The following ERG variants were observed in gnomAD, a reference collection of about 807,000 sequenced individuals.
ERG encodes ETS transcription factor ERG.
A neutral mutation model predicts 55.3 loss-of-function variants in ERG; 9 were observed. The observed-to-expected ratio is 0.16, with a 90% confidence interval of 0.10 to 0.28. ERG has a LOEUF of 0.28. Ranked by LOEUF, ERG falls within the 10% of genes least tolerant of loss-of-function variation. The pLI, the probability that ERG is intolerant of heterozygous loss-of-function variation, is 1.00. For synonymous variants in ERG, 223 were observed against 237.3 expected (o/e 0.94, Z 0.55); for missense variants, 434 against 631.6 (o/e 0.69, Z 3.35).
intron 2 of ERG, among the ~76,000 whole-genome samples, chr21:38,505,402 A>G (rs909658984): frequency 6.6e-6 from 1 of 152,216 alleles, no homozygotes; most frequent in Non-Finnish European, 1.5e-5. Context: ...CAAGCAACGC[A>G]GAGGACACAG....
At chr21:38,523,312 A>G (rs2059607734) in intron 2 of ERG, among the ~76,000 whole-genome samples, 1 of 152,242 alleles carries the variant, frequency 6.6e-6, no homozygotes, top group Non-Finnish European at 1.5e-5. Flanking sequence ...TCTATCACAA[A>G]TAAGCCATCT....
At chr21:38,400,802 G>C (rs1224971187) in intron 5 of ERG, among the ~76,000 whole-genome samples, 157 bp from the exon 6 acceptor site, 8 of 152,152 alleles carry the variant, frequency 5.3e-5, no homozygotes, top group African/African-American at 1.9e-4. Flanking sequence ...AGGTGCACCT[G>C]TCAGATTCTC....
rs1194942148 is a variant in ERG, at chr21:38,498,353, C to T, written c.18+10G>A. On this transcript the variant is annotated intron_variant, in intron 1 of 9. Transcript: ENST00000288319. This position sits in a 1 kb window ranked among gnomAD's most constrained non-coding sequence, Gnocchi z 4.6. The stretch of plus-strand genomic sequence containing the variant: ...AGATTTTGTCAAATTAAAAGGAACC[C>T]TTTCCTTACCTTAATAGTGCTGGCC... The T allele has an allele frequency of 1.9e-6, 3 of 1,599,854 alleles. No homozygotes were observed. Among genetic ancestry groups the T allele is most frequent in the South Asian group, 1.1e-5 (1 of 89,732 alleles).
intron 1 of ERG, among the ~76,000 whole-genome samples, chr21:38,468,996 A>G (rs2059115778): frequency 1.4e-5 from 1 of 69,184 alleles, no homozygotes; most frequent in East Asian, 2.3e-4. Context: ...AAAAAAAAAA[A>G]AAAAAGAAAA....
intron 1 of ERG, among the ~76,000 whole-genome samples, chr21:38,478,275 T>A (rs944495333): frequency 6.6e-6 from 1 of 152,258 alleles, no homozygotes; most frequent in Non-Finnish European, 1.5e-5. Flanking sequence ...GCTTAACTGT[T>A]CCTTTTCCTG....
chr21:38,377,079 T>C (rs1156871981), downstream of ERG, among the ~76,000 whole-genome samples: 2 of 152,254 alleles, frequency 1.3e-5, no homozygotes, highest in East Asian at 3.8e-4. Flanking sequence ...GTAAGATTTT[T>C]CTGTGACTTA....
chr21:38,426,206 C>T (rs957544130), intron 2 of ERG, among the ~76,000 whole-genome samples: 5 of 152,180 alleles, frequency 3.3e-5, no homozygotes, highest in South Asian at 2.1e-4. Flanking sequence ...ATATTTCCAC[C>T]GCTGCCTACA....
chr21:38,584,332 A>G (rs2060049225), intron 1 of ERG, among the ~76,000 whole-genome samples: 1 of 152,020 alleles, frequency 6.6e-6, no homozygotes, highest in African/African-American at 2.4e-5. Context: ...TTTTATTTTT[A>G]TTTTTTGGCA....
At chr21:38,405,041 GAAGA>G (rs1988697214) in intron 3 of ERG, among the ~76,000 whole-genome samples, 2 of 151,914 alleles carry the variant, frequency 1.3e-5, no homozygotes, top group Admixed American at 1.3e-4. Flanking sequence ...CAGCTACATA[GAAGA>G]AAGAAATTAT....
intron 1 of ERG, among the ~76,000 whole-genome samples, chr21:38,636,204 T>C (rs757999239): frequency 3.0e-4 from 45 of 152,224 alleles, no homozygotes; most frequent in Non-Finnish European, 5.3e-4. Flanking sequence ...ATTGAAAGTT[T>C]CCTGAGGCCT....
At chr21:38,421,686 T>C (rs1003191160) in intron 3 of ERG, among the ~76,000 whole-genome samples, 1 of 152,198 alleles carries the variant, frequency 6.6e-6, no homozygotes, top group Non-Finnish European at 1.5e-5. Flanking sequence ...GAGTAACTTG[T>C]ACAGTGCAGC....
intron 3 of ERG, among the ~76,000 whole-genome samples, chr21:38,410,198 G>A (rs1020967650): frequency 1.6e-4 from 25 of 152,184 alleles, no homozygotes; most frequent in African/African-American, 5.5e-4. Flanking sequence ...GTTATCACAG[G>A]GGCAGCCTCC....
In ERG at chr21:38,498,186, G is replaced by A. The variant is rs149042247; in HGVS notation, c.18+177C>T. ...TGAGTTTGAAGTTTTTAAGCCTTGC[G>A]GATGGTTGGAGTAGGAAAAAGGAAA... On this transcript the variant is annotated intron_variant, in intron 1 of 9. Transcript: ENST00000288319. The surrounding 1 kb of genome is among the most constrained non-coding windows in gnomAD (Gnocchi z 4.6). 5.1e-4 allele frequency among the ~76,000 whole-genome samples: 78 copies of A among 152,224 alleles called. No homozygotes were observed. The highest frequency in any genetic ancestry group is 1.8e-3 in the African/African-American group (74 of 41,526).
intron 2 of ERG, among the ~76,000 whole-genome samples, chr21:38,547,762 T>C (rs544259768): frequency 6.6e-6 from 1 of 152,352 alleles, no homozygotes; most frequent in East Asian, 1.9e-4. Flanking sequence ...AGAAATACTC[T>C]TAACCATCAA....
intron 2 of ERG, among the ~76,000 whole-genome samples, chr21:38,553,967 A>T (rs889540471): frequency 2.6e-5 from 4 of 151,644 alleles, no homozygotes; most frequent in African/African-American, 9.7e-5. Context: ...CTATAAAAAA[A>T]AACTTAAGCA....
chr21:38,627,451 A>G (rs914865650), intron 1 of ERG, among the ~76,000 whole-genome samples: 4 of 152,176 alleles, frequency 2.6e-5, no homozygotes, highest in Non-Finnish European at 4.4e-5. Context: ...TTCAGATAAC[A>G]ATGAAAATAA....
intron 2 of ERG, among the ~76,000 whole-genome samples, chr21:38,546,340 A>G (rs1325945364): frequency 1.3e-5 from 2 of 152,140 alleles, no homozygotes; most frequent in Non-Finnish European, 2.9e-5. Flanking sequence ...CAAAGCCAAC[A>G]TGCCATACGA....
chr21:38,538,662 A>G (rs1183845261), intron 2 of ERG, among the ~76,000 whole-genome samples: 1 of 152,122 alleles, frequency 6.6e-6, no homozygotes, highest in East Asian at 1.9e-4. Context: ...GGAGTCATGT[A>G]ATTCCATTAC....
chr21:38,577,591 G>A (rs2060002498), intron 1 of ERG, among the ~76,000 whole-genome samples: 1 of 152,132 alleles, frequency 6.6e-6, no homozygotes, highest in Admixed American at 6.5e-5. Context: ...AAGAGGCTGG[G>A]AGAGGATGGG....
Sources: allele counts gnomAD v4.1 joint callset (sites outside exome capture counted in the v4.1 genomes callset), GRCh38; gene constraint gnomAD v4.1.1; non-coding constraint Gnocchi (gnomAD v3.1); transcripts MANE v1.5; gene names NCBI Gene and HGNC (gene_info 2026-07-23, HGNC 2026-07-21).